Variants in UBR2 observed in about 807,000 individuals in gnomAD.
UBR2 encodes the protein E3 ubiquitin-protein ligase UBR2.
In UBR2, 92 loss-of-function variants were observed where a neutral mutation model predicts 247.9. The observed-to-expected ratio is 0.37, with a 90% CI of 0.31 to 0.44. UBR2 has a LOEUF of 0.44. Among genes scored for constraint, UBR2 ranks in the 20% least tolerant of loss-of-function variants. The pLI is 1.00. For missense variants in UBR2, 1,613 were observed against 2,112.6 expected (o/e 0.76, Z 4.64); for synonymous variants, 672 against 693.5 (o/e 0.97, Z 0.49).
chr6:42,590,595 A>G (rs1371162675), intron 2 of UBR2, among the ~76,000 whole-genome samples: 1 of 152,236 alleles, frequency 6.6e-6, no homozygotes, highest in Non-Finnish European at 1.5e-5. Context: ...ACAAATAGAC[A>G]TTGTATGCTG....
chr6:42,613,332 C>A (rs1163844300), intron 8 of UBR2, among the ~76,000 whole-genome samples: 1 of 152,096 alleles, frequency 6.6e-6, no homozygotes, highest in Non-Finnish European at 1.5e-5. Context: ...TATTGAAGGG[C>A]TTTTAGAAAA....
intron 11 of UBR2, among the ~76,000 whole-genome samples, chr6:42,621,524 G>A (rs6458300): frequency 0.44 from 66,346 of 151,770 alleles, 14,528 homozygotes; most frequent in African/African-American, 0.48. Context: ...GTGCAATGGT[G>A]TGATCTCGGC....
chr6:42,670,127 C>T lies in UBR2; in HGVS notation c.3917C>T (p.Thr1306Met), dbSNP rs376138925. 2.1e-5 allele frequency: 34 copies of T among 1,614,026 alleles called. 1 individual carries two copies. The highest frequency in any genetic ancestry group is 6.7e-5 in the African/African-American group (5 of 74,918). The change falls in exon 35 of 47, where the codon ACG becomes ATG. Residue 1306 changes from threonine to methionine, a missense_variant. Physicochemically the swap from Thr to Met is moderately conservative, Grantham distance 81. This residue lies in a region of UBR2 where 1,524 missense variants were observed against 1,967.3 expected (regional missense o/e 0.77). Coordinates refer to ENST00000372901, the MANE Select transcript of UBR2 (RefSeq NM_001363705.2). ...TCTGAGAGCATAAAAGAAATGCTAA[C>T]GACATTTGGAACTGCTACCTACAAG... ...PYSESIKEML[T>M]TFGTATYKVG...
chr6:42,642,583 T>G, intron 18 of UBR2, 102 bp downstream of exon 18: 1 of 933,456 alleles, frequency 1.1e-6, no homozygotes, highest in African/African-American at 1.7e-5. Context: ...AATCTACAAC[T>G]CCAGCCTAGC....
At chr6:42,669,195 G>A (rs55831860) in intron 34 of UBR2, among the ~76,000 whole-genome samples, 34,145 of 152,094 alleles carry the variant, frequency 0.22, 3,854 homozygotes, top group Middle Eastern at 0.26. Flanking sequence ...AAAGTGCTAG[G>A]ATTACATGCT....
In UBR2 at chr6:42,601,287, C is replaced by T. The variant is rs117646880; in HGVS notation, c.532-2301C>T. Among the ~76,000 whole-genome samples, 21 of 152,248 alleles carry T rather than the reference C, an allele frequency of 1.4e-4. No homozygotes were observed. The East Asian group carries it at 3.5e-3, about 25-fold the overall frequency. ...TAATACCTACTCTTGTTTGAATCCC[C>T]AGGAGGGACCAGCTCTGATTCTTTC... is the stretch of plus-strand genomic sequence containing the variant. On this transcript the variant is annotated intron_variant, in intron 4 of 46. Transcript: ENST00000372901.
chr6:42,629,180 G>A (rs1193461905), intron 11 of UBR2, among the ~76,000 whole-genome samples: 2 of 151,744 alleles, frequency 1.3e-5, no homozygotes, highest in African/African-American at 4.8e-5. Context: ...CCATGCCCGG[G>A]TAATTTTTTA....
chr6:42,564,732 AGAG>A (rs564841781), intron 1 of UBR2, among the ~76,000 whole-genome samples: 101 of 152,302 alleles, frequency 6.6e-4, no homozygotes, highest in African/African-American at 2.2e-3. Context: ...AGCTCTTGGA[AGAG>A]GAGAAGAGAC....
At chr6:42,661,518 A>G (rs773045822) in intron 30 of UBR2, among the ~76,000 whole-genome samples, 8 of 152,216 alleles carry the variant, frequency 5.3e-5, no homozygotes, top group Non-Finnish European at 1.2e-4. Context: ...CGAAGATTAT[A>G]CTAATTTATA....
At chr6:42,667,391 C>A in intron 34 of UBR2, among the ~76,000 whole-genome samples, 1 of 151,546 alleles carries the variant, frequency 6.6e-6, no homozygotes, top group Middle Eastern at 3.2e-3. Flanking sequence ...CACACTCCCC[C>A]AGTCCTGTCA....
chr6:42,586,822 C>CTTT (rs34530579), intron 2 of UBR2, among the ~76,000 whole-genome samples: 77,811 of 123,464 alleles, frequency 0.63, 25,488 homozygotes, highest in African/African-American at 0.73. Flanking sequence ...CACCTATAAA[C>CTTT]TTTTTTTTTT....
rs761637984 is a variant in UBR2, at chr6:42,659,801, G to A, written c.3388G>A (p.Val1130Ile). The A allele has an allele frequency of 1.9e-6, 3 of 1,614,156 alleles. No individual in the cohort carries two copies. The highest frequency in any genetic ancestry group is 2.2e-5 in the South Asian group (2 of 91,088). ...CAGGGCAATGGTCTTGGCAGCATTTGTTCAGAGATCAACTGTATTATCAAA... is the reference window on the plus strand; with the variant it reads ...CAGGGCAATGGTCTTGGCAGCATTTATTCAGAGATCAACTGTATTATCAAA... ...ESRAMVLAAFVQRSTVLSKNR... is the reference protein window; with the variant it reads ...ESRAMVLAAFIQRSTVLSKNR... The change falls in exon 30 of 47, where the codon GTT (valine) becomes ATT (isoleucine). Residue 1130 changes from valine (V) to isoleucine (I), a missense_variant. Physicochemically the swap from Val to Ile is conservative, Grantham distance 29. Around this residue, in one of 3 missense-constraint regions of UBR2, gnomAD observed 1,524 missense variants for 1,967.3 expected, o/e 0.77. Coordinates refer to ENST00000372901, the MANE Select transcript of UBR2 (RefSeq NM_001363705.2). This position sits in a 1 kb window ranked among gnomAD's most constrained non-coding sequence, Gnocchi z 4.3.
At chr6:42,585,461 G>A (rs1792193117) in intron 2 of UBR2, among the ~76,000 whole-genome samples, 1 of 152,102 alleles carries the variant, frequency 6.6e-6, no homozygotes, top group Non-Finnish European at 1.5e-5. Flanking sequence ...AACGAATTGG[G>A]ATATATTCCT....
chr6:42,630,185 CTT>C (rs771762360), intron 11 of UBR2, among the ~76,000 whole-genome samples: 23 of 137,866 alleles, frequency 1.7e-4, no homozygotes, highest in Admixed American at 1.5e-4. Flanking sequence ...TTATTATTTA[CTT>C]TTTTTTTTTT....
At chr6:42,651,132 G>A (rs534571616) in intron 23 of UBR2, among the ~76,000 whole-genome samples, 1 of 151,940 alleles carries the variant, frequency 6.6e-6, no homozygotes, top group East Asian at 1.9e-4. Flanking sequence ...TGAGATAGGA[G>A]GATCACTTGA....
intron 4 of UBR2, among the ~76,000 whole-genome samples, chr6:42,594,867 C>A (rs1562292962): frequency 6.6e-6 from 1 of 152,156 alleles, no homozygotes; most frequent in Non-Finnish European, 1.5e-5. Flanking sequence ...TAGAGTCCCA[C>A]AAAATAAATG....
intron 23 of UBR2, among the ~76,000 whole-genome samples, chr6:42,651,628 T>C (rs1797118412): frequency 6.6e-6 from 1 of 152,052 alleles, no homozygotes; most frequent in African/African-American, 2.4e-5. Flanking sequence ...GTAGCTAGGA[T>C]TACAGGTGTG....
intron 6 of UBR2, among the ~76,000 whole-genome samples, chr6:42,606,246 A>T (rs1793691944): frequency 6.6e-6 from 1 of 152,178 alleles, no homozygotes; most frequent in Non-Finnish European, 1.5e-5. Flanking sequence ...CCATCTCAAA[A>T]AAAAAAAAAA....
intron 2 of UBR2, among the ~76,000 whole-genome samples, chr6:42,579,642 T>G (rs1445570326): frequency 6.6e-6 from 1 of 152,120 alleles, no homozygotes; most frequent in Non-Finnish European, 1.5e-5. Context: ...TCCAAGTAGC[T>G]AGAACCATAG....
Sources: gnomAD v4.1 joint callset for allele counts (sites outside exome capture counted in the v4.1 genomes callset) on GRCh38, gnomAD v4.1.1 for gene constraint, gnomAD v4.1.1 regional missense constraint, Gnocchi (gnomAD v3.1) non-coding constraint, MANE v1.5 for transcripts, NCBI Gene and HGNC (gene_info 2026-07-23, HGNC 2026-07-21) for gene names.